Variants in ZNF536 observed in about 807,000 individuals in gnomAD.
ZNF536 encodes zinc finger protein 536.
In ZNF536, 13 loss-of-function variants were observed where a neutral mutation model predicts 84.5. The ratio of observed to expected loss-of-function variants is 0.15; its 90% CI spans 0.10 to 0.24. The LOEUF (loss-of-function observed/expected upper bound fraction) is 0.24. Among genes scored for constraint, ZNF536 ranks in the 10% least tolerant of loss-of-function variants. ZNF536 has a pLI of 1.00. For missense variants in ZNF536, 1,536 were observed against 1,747.5 expected, an observed-to-expected ratio of 0.88 and a Z score of 2.16; for synonymous variants, 811 against 742.5, an observed-to-expected ratio of 1.09 and a Z score of -1.50.
chr19:30,710,494 C>T (rs1600357950), intron 1 of ZNF536, among the ~76,000 whole-genome samples: 1 of 152,168 alleles, frequency 6.6e-6, no homozygotes, highest in Non-Finnish European at 1.5e-5. Flanking sequence ...GAGATATAAT[C>T]GCACCACTGC....
intron 1 of ZNF536, among the ~76,000 whole-genome samples, chr19:30,691,374 T>G (rs1027911845): frequency 5.3e-4 from 81 of 151,968 alleles, no homozygotes; most frequent in African/African-American, 1.8e-3. Context: ...AACAGGAAGA[T>G]CCGGATACTA....
intron 3 of ZNF536, among the ~76,000 whole-genome samples, chr19:30,355,149 A>G (rs1407880652): frequency 6.6e-6 from 1 of 152,160 alleles, no homozygotes; most frequent in East Asian, 1.9e-4. Context: ...TGGCGCCAGC[A>G]TCTGCTCAGC....
intron 1 of ZNF536, among the ~76,000 whole-genome samples, chr19:30,686,282 TTTTC>T (rs2051177597): frequency 6.6e-6 from 1 of 152,074 alleles, no homozygotes; most frequent in African/African-American, 2.4e-5. Flanking sequence ...ACACTTTTTT[TTTTC>T]TTTTGCAAAG....
intron 1 of ZNF536, among the ~76,000 whole-genome samples, chr19:30,440,218 C>T (rs891801876): frequency 6.6e-6 from 1 of 151,984 alleles, no homozygotes; most frequent in East Asian, 1.9e-4. Flanking sequence ...ACCTCAGTCT[C>T]CCAAAGTGCT....
intron 2 of ZNF536, among the ~76,000 whole-genome samples, chr19:30,504,767 T>C (rs1287881356): frequency 6.6e-6 from 1 of 151,844 alleles, no homozygotes; most frequent in African/African-American, 2.4e-5. Flanking sequence ...GCTGCCCTCA[T>C]GGGGTTTGCA....
chr19:30,296,436 A>C (rs1271646517), intron 2 of ZNF536, among the ~76,000 whole-genome samples: 1 of 152,206 alleles, frequency 6.6e-6, no homozygotes, highest in Non-Finnish European at 1.5e-5. Flanking sequence ...CCAGTTGGCC[A>C]AGACATCCTG....
intron 1 of ZNF536, among the ~76,000 whole-genome samples, chr19:30,381,208 C>A (rs929896371): frequency 4.6e-5 from 7 of 152,178 alleles, no homozygotes; most frequent in African/African-American, 1.7e-4. Flanking sequence ...CAGCACAAAC[C>A]ATGCCCCCAG....
chr19:30,484,443 G>A (rs184503831), intron 2 of ZNF536, among the ~76,000 whole-genome samples: 25 of 127,540 alleles, frequency 2.0e-4, no homozygotes, highest in Admixed American at 1.5e-3. Flanking sequence ...TCACCATGTT[G>A]GCCAGGATGG....
intron 3 of ZNF536, among the ~76,000 whole-genome samples, chr19:30,364,386 G>A (rs1158932836): frequency 2.0e-5 from 3 of 152,296 alleles, no homozygotes; most frequent in Admixed American, 2.0e-4. Context: ...AATTAGCTGG[G>A]CATGGTGGCG....
intron 2 of ZNF536, among the ~76,000 whole-genome samples, chr19:30,455,943 A>G (rs1458125578): frequency 2.6e-5 from 4 of 152,192 alleles, no homozygotes; most frequent in Non-Finnish European, 5.9e-5. Context: ...CTTGTCATTG[A>G]ACATTTCCCA....
exon 2 of ZNF536, chr19:30,711,422 T>G (rs770227894): frequency 6.6e-6 from 1 of 152,174 alleles, no homozygotes; most frequent in Non-Finnish European, 1.5e-5. Flanking sequence ...TGAAAACACC[T>G]CTATAATCTG....
chr19:30,595,463 T>A (rs2047430882), intron 1 of ZNF536, among the ~76,000 whole-genome samples: 1 of 152,024 alleles, frequency 6.6e-6, no homozygotes, highest in African/African-American at 2.4e-5. Context: ...ATTTTTTAAT[T>A]TTTTTGTAGA....
intron 1 of ZNF536, among the ~76,000 whole-genome samples, chr19:30,383,132 G>A (rs1395875068): frequency 1.3e-5 from 2 of 151,992 alleles, no homozygotes; most frequent in East Asian, 3.9e-4. Context: ...TCTACGAAAT[G>A]TATAAAACTT....
intron 1 of ZNF536, among the ~76,000 whole-genome samples, chr19:30,652,533 C>T (rs1343574766): frequency 6.6e-6 from 1 of 152,134 alleles, no homozygotes; most frequent in South Asian, 2.1e-4. Context: ...GCAAGTAAAG[C>T]TGAGATGGCA....
At chr19:30,478,157 T>G (rs1599514867) in intron 2 of ZNF536, among the ~76,000 whole-genome samples, 1 of 109,402 alleles carries the variant, frequency 9.1e-6, no homozygotes, top group Non-Finnish European at 1.8e-5. Context: ...TCCTTGGTGT[T>G]TTTTTTTTTT....
In ZNF536 at chr19:30,445,614, C is replaced by T. The variant is rs201894281; in HGVS notation, c.2052C>T (p.Ser684=). 2.5e-5 allele frequency: 40 copies of T among 1,612,528 alleles called. No individual in the cohort carries two copies. The African/African-American group carries it at 3.2e-4, about 13-fold the overall frequency. ...GTGACCAGGAGTCCCAGTCGGTGAGCCGCTCCACCACGCCGGGCTCCTCTA... is the reference window on the plus strand; with the variant it reads ...GTGACCAGGAGTCCCAGTCGGTGAGTCGCTCCACCACGCCGGGCTCCTCTA... ...SGSDQESQSV[S]RSTTPGSSNV... is the part of the protein sequence containing the mutation. Residue 684 remains serine, a synonymous_variant, in exon 2 of 5, where the codon AGC becomes AGT. Coordinates refer to ENST00000355537, the MANE Select transcript of ZNF536 (RefSeq NM_014717.3). The surrounding 1 kb of genome is among the most constrained non-coding windows in gnomAD (Gnocchi z 4.5).
intron 2 of ZNF536, among the ~76,000 whole-genome samples, chr19:30,496,292 T>C (rs979744937): frequency 1.3e-5 from 2 of 152,164 alleles, no homozygotes; most frequent in Non-Finnish European, 2.9e-5. Context: ...CTTCCACCCA[T>C]CTCTTAACAC....
At chr19:30,341,633 C>T (rs2047567514) in intron 2 of ZNF536, among the ~76,000 whole-genome samples, 1 of 152,024 alleles carries the variant, frequency 6.6e-6, no homozygotes, top group Non-Finnish European at 1.5e-5. Flanking sequence ...CCCCTCATCT[C>T]TTTGTGCAGT....
intron 1 of ZNF536, among the ~76,000 whole-genome samples, chr19:30,265,935 G>T (rs2025488803): frequency 6.6e-6 from 1 of 151,790 alleles, no homozygotes; most frequent in South Asian, 2.1e-4. Context: ...CTGTCATCCA[G>T]GCTGGAGTGC....
Sources: allele counts gnomAD v4.1 joint callset (sites outside exome capture counted in the v4.1 genomes callset), GRCh38; gene constraint gnomAD v4.1.1; non-coding constraint Gnocchi (gnomAD v3.1); transcripts MANE v1.5; gene names NCBI Gene and HGNC (gene_info 2026-07-23, HGNC 2026-07-21).